GUCY2C: variants seen among roughly 807,000 people sequenced by gnomAD.
GUCY2C encodes guanylate cyclase 2C, also known as guanylyl cyclase C.
A neutral mutation model predicts 131.1 loss-of-function variants in GUCY2C; 118 were observed. The observed-to-expected ratio is 0.90, with a 90% CI of 0.78 to 1.05. The LOEUF (loss-of-function observed/expected upper bound fraction) is 1.05. Ranked by LOEUF, GUCY2C falls within the 50% of genes least tolerant of loss-of-function variation. The pLI, the probability that GUCY2C is intolerant of heterozygous loss-of-function variation, is 0.00. For synonymous variants in GUCY2C, 452 were observed against 457.8 expected, an observed-to-expected ratio of 0.99 and a Z score of 0.16; for missense variants, 1,161 against 1,304.4, an observed-to-expected ratio of 0.89 and a Z score of 1.69.
intron 10 of GUCY2C, 131 bp from the exon 11 acceptor site, chr12:14,661,193 C>A (rs1947860342): frequency 1.6e-6 from 1 of 622,256 alleles, no homozygotes; most frequent in South Asian, 2.0e-5. Context: ...TTATTAATTT[C>A]TCTCTGGTAA....
At chr12:14,692,678 T>A (rs1436625307) in intron 1 of GUCY2C, among the ~76,000 whole-genome samples, 1 of 152,048 alleles carries the variant, frequency 6.6e-6, no homozygotes, top group Non-Finnish European at 1.5e-5. Context: ...AGAAACCCCG[T>A]CTCTACTAAA....
At chr12:14,637,949 G>C (rs1947307937) in intron 19 of GUCY2C, among the ~76,000 whole-genome samples, 1 of 152,116 alleles carries the variant, frequency 6.6e-6, no homozygotes, top group Non-Finnish European at 1.5e-5. Flanking sequence ...TGTTGAATGG[G>C]AGAAAGTATT....
intron 6 of GUCY2C, among the ~76,000 whole-genome samples, chr12:14,677,931 C>T (rs1267711514): frequency 6.6e-6 from 1 of 151,958 alleles, no homozygotes; most frequent in Non-Finnish European, 1.5e-5. Context: ...TGAAAAGAAT[C>T]TGGTATGTTT....
intron 8 of GUCY2C, chr12:14,674,359 T>A: frequency 2.1e-6 from 1 of 480,590 alleles, no homozygotes; most frequent in Non-Finnish European, 3.8e-6. Flanking sequence ...AAATGCCTTA[T>A]GATGAGCTTG....
At chr12:14,692,517 A>G (rs985907815) in intron 1 of GUCY2C, among the ~76,000 whole-genome samples, 4 of 152,350 alleles carry the variant, frequency 2.6e-5, no homozygotes, top group East Asian at 3.9e-4. Context: ...CCACATAAAC[A>G]TAACTCTTCA....
chr12:14,695,453 T>G (rs1349897164), intron 1 of GUCY2C, among the ~76,000 whole-genome samples: 1 of 151,632 alleles, frequency 6.6e-6, no homozygotes, highest in African/African-American at 2.4e-5. Flanking sequence ...TACAAAAAAT[T>G]AGCCAGGCAT....
chr12:14,678,025 A>G (rs1210341222), intron 6 of GUCY2C, among the ~76,000 whole-genome samples: 1 of 152,128 alleles, frequency 6.6e-6, no homozygotes, highest in Non-Finnish European at 1.5e-5. Context: ...TACATTACCT[A>G]GGCTGGTCTT....
chr12:14,696,158 G>C (rs1948651176), intron 1 of GUCY2C, 74 bp downstream of exon 1: 3 of 1,168,358 alleles, frequency 2.6e-6, no homozygotes, highest in Non-Finnish European at 3.8e-6. Flanking sequence ...AAGAACACAA[G>C]GTCTTTGCTT....
chr12:14,655,973 A>C (rs1408721381), intron 12 of GUCY2C, among the ~76,000 whole-genome samples: 1 of 152,176 alleles, frequency 6.6e-6, no homozygotes, highest in African/African-American at 2.4e-5. Flanking sequence ...TCATCAGCAA[A>C]ATTATGATAA....
At chr12:14,650,374 A>G (rs993367793) in intron 15 of GUCY2C, among the ~76,000 whole-genome samples, 1 of 152,076 alleles carries the variant, frequency 6.6e-6, no homozygotes, top group Non-Finnish European at 1.5e-5. Context: ...CAGCCTCCCA[A>G]GTAGCTGGAA....
chr12:14,674,597 G>T, intron 8 of GUCY2C, 28 bp downstream of exon 8: 1 of 1,608,544 alleles, frequency 6.2e-7, no homozygotes, highest in Non-Finnish European at 8.5e-7. Flanking sequence ...CTTCACCTTG[G>T]GGTTATTTGC....
Position 14,696,277 on chromosome 12 carries a change from C to G in GUCY2C, c.172G>C (p.Val58Leu). 2 of 1,614,170 alleles carry G rather than the reference C, an allele frequency of 1.2e-6. No homozygotes were observed. Among genetic ancestry groups the G allele is most frequent in the Non-Finnish European group, 1.7e-6 (2 of 1,180,008 alleles). The change falls in exon 1 of 27, where the codon GTG becomes CTG. Residue 58 changes from valine (V) to leucine (L), a missense_variant. Coordinates refer to ENST00000261170, the MANE Select transcript of GUCY2C (RefSeq NM_004963.4). ...AEPLKNLEDA[V>L]NEGLEIVRGR... ...CTCACTATTTCCAGCCCCTCATTCACCGCATCTTCCAAGTTTTTCAGGGGC... is the reference window on the plus strand; with the variant it reads ...CTCACTATTTCCAGCCCCTCATTCAGCGCATCTTCCAAGTTTTTCAGGGGC...
intron 10 of GUCY2C, among the ~76,000 whole-genome samples, chr12:14,664,011 G>A (rs1947920314): frequency 6.6e-6 from 1 of 152,142 alleles, no homozygotes; most frequent in Non-Finnish European, 1.5e-5. Flanking sequence ...AGATGGTTTA[G>A]CTTGGGGTAA....
At chr12:14,658,633 G>A (rs974410072) in intron 11 of GUCY2C, among the ~76,000 whole-genome samples, 3 of 152,188 alleles carry the variant, frequency 2.0e-5, no homozygotes, top group South Asian at 2.1e-4. Flanking sequence ...CCAAGATGGC[G>A]CCACTGCACT....
chr12:14,668,330 C>T (rs1039129361), intron 10 of GUCY2C, among the ~76,000 whole-genome samples: 2 of 152,068 alleles, frequency 1.3e-5, no homozygotes, highest in African/African-American at 4.8e-5. Context: ...ACCATCATGC[C>T]CAGCTAATTT....
Position 14,688,077 on chromosome 12 carries a change from A to G in GUCY2C, c.218-14T>C. ...TCACATTTAGGCCTGTCGCCCAGAG[A>G]TGAGGGAAAATAGAACACTAGTGTT... On this transcript the variant is annotated splice_polypyrimidine_tract_variant and intron_variant, in intron 1 of 26. Transcript: ENST00000261170. The G allele has an allele frequency of 6.9e-7, 1 of 1,456,710 alleles. No individual in the cohort carries two copies. Among genetic ancestry groups the G allele is most frequent in the Non-Finnish European group, 9.6e-7 (1 of 1,036,448 alleles). The allele number at this position is 1,456,710 out of a possible 1,614,324, so 90.2% of individuals were successfully genotyped here.
chr12:14,630,664 G>A (rs1947124010), intron 19 of GUCY2C, among the ~76,000 whole-genome samples: 2 of 152,144 alleles, frequency 1.3e-5, no homozygotes, highest in South Asian at 2.1e-4. Context: ...TCCTTGAGCC[G>A]CTGTGGATTT....
At chr12:14,675,445 A>G (rs1948213843) in intron 7 of GUCY2C, among the ~76,000 whole-genome samples, 1 of 152,034 alleles carries the variant, frequency 6.6e-6, no homozygotes, top group Non-Finnish European at 1.5e-5. Context: ...TATAGAAATA[A>G]TGTTAGTTTC....
At chr12:14,672,217 G>T (rs1411044540) in intron 9 of GUCY2C, 1 of 152,146 alleles carries the variant, frequency 6.6e-6, no homozygotes, top group Non-Finnish European at 1.5e-5. Context: ...ATGAAGACAG[G>T]TGTTTTTTTT....
Sources: gnomAD v4.1 joint callset for allele counts (sites outside exome capture counted in the v4.1 genomes callset) on GRCh38, gnomAD v4.1.1 for gene constraint, MANE v1.5 for transcripts, NCBI Gene and HGNC (gene_info 2026-07-23, HGNC 2026-07-21) for gene names.